CSF2RB: variants seen among roughly 807,000 people sequenced by gnomAD.
CSF2RB encodes the protein cytokine receptor common subunit beta.
A neutral mutation model predicts 67.2 loss-of-function variants in CSF2RB; 22 were observed. The ratio of observed to expected loss-of-function variants is 0.33; its 90% CI spans 0.23 to 0.47. The LOEUF (loss-of-function observed/expected upper bound fraction) is 0.47. CSF2RB is among the 20% of genes least tolerant of loss of function. The pLI is 1.00. For synonymous variants in CSF2RB, 507 were observed against 482.9 expected (o/e 1.05, Z -0.65); for missense variants, 1,113 against 1,174.5 (o/e 0.95, Z 0.76).
rs543967738 is a variant in CSF2RB, at chr22:36,931,321, T to C, written c.1012+491T>C. Among the ~76,000 whole-genome samples the C allele has an allele frequency of 2.6e-5, 4 of 152,360 alleles. No homozygotes were observed. In the South Asian group the frequency reaches 8.3e-4, roughly 32 times the overall value. On this transcript the variant is annotated intron_variant, in intron 8 of 13. Coordinates refer to ENST00000403662, the MANE Select transcript of CSF2RB (RefSeq NM_000395.3). ...TGATGTAACAAGGACCCCAGTGCAA[T>C]GGAACCTCTCACGTTGTTTCATGAT... is the stretch of plus-strand genomic sequence containing the variant.
At chr22:36,915,014 G>A (rs1279600801) in intron 1 of CSF2RB, among the ~76,000 whole-genome samples, 1 of 152,120 alleles carries the variant, frequency 6.6e-6, no homozygotes, top group Admixed American at 6.6e-5. Flanking sequence ...TTCACCACAT[G>A]TATTCTTCCA....
chr22:36,923,893 C>T (rs1055306967), intron 3 of CSF2RB: 86 of 840,882 alleles, frequency 1.0e-4, no homozygotes, highest in African/African-American at 1.9e-4. Context: ...GGGGGCTCCG[C>T]GCTCTCCCAG....
intron 6 of CSF2RB, 141 bp from the exon 7 acceptor site, chr22:36,930,234 C>A: frequency 1.7e-6 from 2 of 1,151,710 alleles, no homozygotes; most frequent in Non-Finnish European, 2.6e-6. Context: ...ACACAGCTGG[C>A]AGGTTCAGGC....
Position 36,936,632 on chromosome 22 carries a change from C to T in CSF2RB, c.1548C>T (p.Ser516=), listed in dbSNP as rs1423630904. The T allele has an allele frequency of 2.5e-6, 4 of 1,613,556 alleles. No homozygotes were observed. The highest frequency in any genetic ancestry group is 3.4e-6 in the Non-Finnish European group (4 of 1,179,944). Residue 516 remains serine, a synonymous_variant, in exon 13 of 14, where the codon AGC becomes AGT. Coordinates refer to ENST00000403662, the MANE Select transcript of CSF2RB (RefSeq NM_000395.3). Reference sequence around the variant, plus strand: ...CCCCACACCAGGGGCCGTGGGGCAGCCGCTTCCCTGAGCTGGAGGGGTGAG... The same window carrying T: ...CCCCACACCAGGGGCCGTGGGGCAGTCGCTTCCCTGAGCTGGAGGGGTGAG... ...GSPPHQGPWG[S]RFPELEGVFP... is the part of the protein sequence containing the mutation.
At chr22:36,922,862 C>G (rs1395222753) in intron 2 of CSF2RB, 1 of 343,018 alleles carries the variant, frequency 2.9e-6, no homozygotes, top group African/African-American at 2.1e-5. Context: ...CAGGGTAGAA[C>G]TCTGCCACGC....
chr22:36,937,503 G>T lies in CSF2RB; in HGVS notation c.1695G>T (p.Gln565His), dbSNP rs780358580. Residue 565 changes from glutamine to histidine, a missense_variant, in exon 14 of 14, where the codon CAG becomes CAT. By Grantham distance (24) the Gln-to-His change is conservative (BLOSUM62 0). Around this residue, in one of 2 missense-constraint regions of CSF2RB, gnomAD observed 554 missense variants for 517.9 expected, o/e 1.07. Coordinates refer to ENST00000403662, the MANE Select transcript of CSF2RB (RefSeq NM_000395.3). The surrounding 1 kb of genome is among the most constrained non-coding windows in gnomAD (Gnocchi z 4.6). ...TPAASDLPTE[Q>H]PPSPQPGPPA... is the part of the protein sequence containing the mutation. ...CTGCCTCAGATCTACCCACAGAGCA[G>T]CCCCCCAGCCCCCAGCCAGGCCCGC... 1 of 1,613,778 alleles carries T rather than the reference G, an allele frequency of 6.2e-7. No homozygotes were observed. Among genetic ancestry groups the T allele is most frequent in the Non-Finnish European group, 8.5e-7 (1 of 1,179,924 alleles).
chr22:36,917,418 C>T (rs1940745955), intron 1 of CSF2RB, among the ~76,000 whole-genome samples: 1 of 152,078 alleles, frequency 6.6e-6, no homozygotes, highest in Non-Finnish European at 1.5e-5. Context: ...GAATGTTTAT[C>T]CCTGCCATTC....
Position 36,938,061 on chromosome 22 carries a change from AC to A in CSF2RB, c.2258del (p.Pro753LeufsTer7), listed in dbSNP as rs748885990. ...GCTTATGTCCTGGGCTGGCCAGTGGACCCCCTGGAGCCCCAGGCCCTGTGAA... is the reference window on the plus strand; with the variant it reads ...GCTTATGTCCTGGGCTGGCCAGTGGACCCCTGGAGCCCCAGGCCCTGTGAA... ...PSLCPGLASG[P>X]PGAPGPVKSG... is the part of the protein sequence containing the mutation. On this transcript the variant is annotated frameshift_variant, in exon 14 of 14. Coordinates refer to ENST00000403662, the MANE Select transcript of CSF2RB (RefSeq NM_000395.3). LOFTEE classifies it low-confidence loss of function (END_TRUNC). 5 of 1,613,328 alleles carry A rather than the reference AC, an allele frequency of 3.1e-6. No homozygotes were observed. The highest frequency in any genetic ancestry group is 1.7e-5 in the Admixed American group (1 of 59,958).
At chr22:36,917,827 T>G (rs1158160587) in intron 1 of CSF2RB, among the ~76,000 whole-genome samples, 1 of 151,626 alleles carries the variant, frequency 6.6e-6, no homozygotes, top group Non-Finnish European at 1.5e-5. Flanking sequence ...GGAGGCTAAG[T>G]CACAAGAGTC....
intron 11 of CSF2RB, 80 bp downstream of exon 11, chr22:36,935,521 C>A: frequency 6.2e-7 from 1 of 1,602,754 alleles, no homozygotes; most frequent in Admixed American, 1.7e-5. Context: ...TCCCTCCAGG[C>A]CCTGCTCTGC....
At chr22:36,926,347 G>A (rs1366775283) in intron 4 of CSF2RB, among the ~76,000 whole-genome samples, 170 bp downstream of exon 4, 3 of 152,190 alleles carry the variant, frequency 2.0e-5, no homozygotes, top group Non-Finnish European at 4.4e-5. Context: ...GAGCAGAGGG[G>A]CCCCTGACAA....
chr22:36,926,631 A>G lies in CSF2RB; in HGVS notation c.391+454A>G, dbSNP rs147394966. On this transcript the variant is annotated intron_variant, in intron 4 of 13. Coordinates refer to ENST00000403662, the MANE Select transcript of CSF2RB (RefSeq NM_000395.3). Reference sequence around the variant, plus strand: ...GTCAGCCTTCCCGGGGGCTTCCTGCATGGTAGACAGGGAGCTTGTCTCCTC... The same window carrying G: ...GTCAGCCTTCCCGGGGGCTTCCTGCGTGGTAGACAGGGAGCTTGTCTCCTC... Among the ~76,000 whole-genome samples, 352 of 152,214 alleles carry G rather than the reference A, an allele frequency of 2.3e-3. 2 individuals are homozygous for G. The highest frequency in any genetic ancestry group is 8.2e-3 in the African/African-American group (341 of 41,536).
At chr22:36,925,962 G>A (rs756816875) in intron 3 of CSF2RB, 25 bp from the exon 4 acceptor site, 12 of 1,613,894 alleles carry the variant, frequency 7.4e-6, no homozygotes, top group Non-Finnish European at 7.6e-6. Flanking sequence ...TACACCCTGG[G>A]CTAAGCCGTG....
chr22:36,936,484 C>A (rs1941268341), intron 12 of CSF2RB, 65 bp from the exon 13 acceptor site: 2 of 1,335,716 alleles, frequency 1.5e-6, no homozygotes, highest in South Asian at 2.4e-5. Context: ...CCCCCGTCAC[C>A]CTCTGCCTTG....
At position 36,929,750 on chromosome 22, in the gene CSF2RB, C is replaced by T. The variant is rs749137759; in HGVS notation, c.661C>T (p.Arg221Trp). Residue 221 changes from arginine to tryptophan, a missense_variant, in exon 6 of 14, where the codon CGG (arginine) becomes TGG (tryptophan). Coordinates refer to ENST00000403662, the MANE Select transcript of CSF2RB (RefSeq NM_000395.3). ...RVRTRLAPGS[R>W]LSGRPSKWSP... ...ACGGACCCGCCTGGCCCCAGGTTCT[C>T]GGCTCTCAGGACGTCCCAGCAAGTG... 3.7e-6 allele frequency: 6 copies of T among 1,614,156 alleles called. No individual in the cohort carries two copies. Among genetic ancestry groups the T allele is most frequent in the African/African-American group, 1.3e-5 (1 of 75,060 alleles).
rs370712121 is a variant in CSF2RB, at chr22:36,916,689, G to T, written c.-173+3012G>T. 9.9e-5 allele frequency among the ~76,000 whole-genome samples: 15 copies of T among 152,074 alleles called. No individual in the cohort carries two copies. In the South Asian group the frequency reaches 1.5e-3, roughly 15 times the overall value. On this transcript the variant is annotated intron_variant, in intron 1 of 13. Transcript: ENST00000403662. ...CCTGGCCAACACGGTGAAACCCCAT[G>T]TCTACTAAAAATACGAAAAATTAGC...
chr22:36,918,006 A>G lies in CSF2RB; in HGVS notation c.-172-4030A>G, dbSNP rs77372732. On this transcript the variant is annotated intron_variant, in intron 1 of 13. Transcript: ENST00000403662. ...TATTTAGCACATATATGATCTTCCA[A>G]AACAAGAGGAGATCTTTAGCAAGTT... Among the ~76,000 whole-genome samples the G allele has an allele frequency of 2.0e-3, 312 of 152,298 alleles. 1 individual carries two copies. Among genetic ancestry groups the G allele is most frequent in the African/African-American group, 7.0e-3 (292 of 41,558 alleles).
Position 36,938,613 on chromosome 22 carries a change from T to C in CSF2RB, c.*111T>C. 8.2e-7 allele frequency: 1 copy of C among 1,223,936 alleles called. No individual in the cohort carries two copies. Among genetic ancestry groups the C allele is most frequent in the Non-Finnish European group, 1.1e-6 (1 of 895,080 alleles). 75.8% of individuals were successfully genotyped at this position (1,223,936 alleles called of 1,614,324 possible). A position where few individuals can be genotyped will look rare whatever the true frequency, so the allele number is the denominator to read the frequency against. On this transcript the variant is annotated 3_prime_UTR_variant, in exon 14 of 14. Coordinates refer to ENST00000403662, the MANE Select transcript of CSF2RB (RefSeq NM_000395.3). ...AGGGGCAGCCTCCTGTCAAGGTAGC[T>C]AGAGGCCTGGGAAAGGAGATAGCCT...
chr22:36,936,304 C>T (rs1253104662), intron 12 of CSF2RB, among the ~76,000 whole-genome samples: 1 of 152,074 alleles, frequency 6.6e-6, no homozygotes, highest in African/African-American at 2.4e-5. Flanking sequence ...GAGACAGGCA[C>T]TCCAGGTTAG....
Sources: gnomAD v4.1 joint callset for allele counts (sites outside exome capture counted in the v4.1 genomes callset) on GRCh38, gnomAD v4.1.1 for gene constraint, gnomAD v4.1.1 regional missense constraint, Gnocchi (gnomAD v3.1) non-coding constraint, MANE v1.5 for transcripts, NCBI Gene and HGNC (gene_info 2026-07-23, HGNC 2026-07-21) for gene names.